The following TMEM68 variants were observed in gnomAD, a reference collection of about 807,000 sequenced individuals.
TMEM68 encodes transmembrane protein 68, also known as DGAT1/2-independent enzyme synthesizing storage lipids.
Under a neutral mutation model 36.9 loss-of-function variants are expected in TMEM68, and 25 were observed. That is an observed-to-expected ratio of 0.68 (90% CI 0.49 to 0.95). The LOEUF (loss-of-function observed/expected upper bound fraction) is 0.95. Ranked by LOEUF, TMEM68 falls within the 40% of genes least tolerant of loss-of-function variation. The pLI is 0.00. For missense variants in TMEM68, 333 were observed against 392.0 expected (o/e 0.85, Z 1.27); for synonymous variants, 131 against 124.4 (o/e 1.05, Z -0.35).
At chr8:55,761,715 T>C (rs966249968) in intron 3 of TMEM68, 11 of 152,214 alleles carry the variant, frequency 7.2e-5, no homozygotes, top group African/African-American at 2.7e-4. Flanking sequence ...AGTATGTATG[T>C]AGTATTAAAA....
At chr8:55,754,954 C>T (rs1013686338) in intron 4 of TMEM68, among the ~76,000 whole-genome samples, 3,728 of 14,134 alleles carry the variant, frequency 0.26, 107 homozygotes, top group East Asian at 0.44. Flanking sequence ...TACACACACA[C>T]ACACACACAC....
chr8:55,745,654 T>C (rs7000249), intron 5 of TMEM68: 105,708 of 152,036 alleles, frequency 0.7, 36,848 homozygotes, highest in African/African-American at 0.74. Flanking sequence ...TACTGAATAG[T>C]ACGCTCACTG....
Position 55,756,278 on chromosome 8 carries a change from T to A in TMEM68, c.459A>T (p.Arg153=). The change falls in exon 4 of 8, where the codon CGA becomes CGT. Residue 153 remains arginine, a synonymous_variant. Coordinates refer to ENST00000434581, the MANE Select transcript of TMEM68 (RefSeq NM_001286657.2). ...TAAAGACAAAGTGATCAGCTACTAC[T>A]CGGCAAGTTCTGCCTTTGTGTATAA... ...KIFIHKGRTC[R]VVADHFVFKI... The A allele has an allele frequency of 1.9e-6, 3 of 1,604,542 alleles. No homozygotes were observed. Among genetic ancestry groups the A allele is most frequent in the Non-Finnish European group, 1.7e-6 (2 of 1,177,714 alleles).
At chr8:55,753,367 G>A (rs1413040295) in intron 4 of TMEM68, among the ~76,000 whole-genome samples, 2 of 151,984 alleles carry the variant, frequency 1.3e-5, no homozygotes, top group African/African-American at 4.8e-5. Context: ...GTTTGCCTAT[G>A]TTACTGTAAG....
chr8:55,752,045 C>T (rs566822635), intron 4 of TMEM68, among the ~76,000 whole-genome samples: 4 of 152,064 alleles, frequency 2.6e-5, no homozygotes, highest in East Asian at 1.9e-4. Context: ...CCTGCCTCTA[C>T]TAAAAATACA....
At chr8:55,749,438 G>C (rs747286531) in intron 5 of TMEM68, among the ~76,000 whole-genome samples, 1 of 152,132 alleles carries the variant, frequency 6.6e-6, no homozygotes, top group Non-Finnish European at 1.5e-5. Flanking sequence ...ATTTTCCAGA[G>C]GGGATACTTG....
At chr8:55,749,230 A>G (rs1458564415) in intron 5 of TMEM68, among the ~76,000 whole-genome samples, 3 of 152,180 alleles carry the variant, frequency 2.0e-5, no homozygotes, top group Non-Finnish European at 4.4e-5. Flanking sequence ...AACCAGGGTG[A>G]TTTGTATTAT....
intron 1 of TMEM68, among the ~76,000 whole-genome samples, chr8:55,771,448 A>T (rs1811159039): frequency 6.6e-6 from 1 of 150,508 alleles, no homozygotes; most frequent in African/African-American, 2.4e-5. Flanking sequence ...CAAAACACAC[A>T]CACACACACA....
chr8:55,751,427 A>T, intron 4 of TMEM68: 5 of 433,526 alleles, frequency 1.2e-5, no homozygotes, highest in Non-Finnish European at 2.1e-5. Flanking sequence ...TTACAGAATA[A>T]TAGCTTGCTC....
At chr8:55,748,940 C>CT (rs1195193813) in intron 5 of TMEM68, among the ~76,000 whole-genome samples, 2 of 152,318 alleles carry the variant, frequency 1.3e-5, no homozygotes, top group East Asian at 3.9e-4. Flanking sequence ...CATCTTAACT[C>CT]TGTCACTAAA....
In TMEM68 at chr8:55,740,049, C is replaced by T; in HGVS notation, c.*83G>A. 9.8e-7 allele frequency: 1 copy of T among 1,023,878 alleles called. No homozygotes were observed. The highest frequency in any genetic ancestry group is 1.4e-6 in the Non-Finnish European group (1 of 695,624). The allele number at this position is 1,023,878 out of a possible 1,614,324, so 63.4% of individuals were successfully genotyped here. A position where few individuals can be genotyped will look rare whatever the true frequency, so the allele number is the denominator to read the frequency against. On this transcript the variant is annotated 3_prime_UTR_variant, in exon 8 of 8. Coordinates refer to ENST00000434581, the MANE Select transcript of TMEM68 (RefSeq NM_001286657.2). ...TTTTTAAAAAATACTAATTATAGGA[C>T]CTACAAAATTCAGAAGACAGTACCT...
At chr8:55,769,623 C>T (rs1161576189) in intron 1 of TMEM68, among the ~76,000 whole-genome samples, 1 of 151,968 alleles carries the variant, frequency 6.6e-6, no homozygotes, top group African/African-American at 2.4e-5. Context: ...TACAACTGAA[C>T]TGTGTTCGTC....
intron 7 of TMEM68, among the ~76,000 whole-genome samples, chr8:55,741,003 G>A (rs1392555281): frequency 1.3e-5 from 2 of 152,212 alleles, no homozygotes; most frequent in Admixed American, 6.5e-5. Context: ...GGAGGCTGAG[G>A]TGGGTGGATC....
At position 55,743,571 on chromosome 8, in the gene TMEM68, C is replaced by T. The variant is rs750338274; in HGVS notation, c.798G>A (p.Met266Ile). The change falls in exon 7 of 8, where the codon ATG (methionine) becomes ATA (isoleucine). Residue 266 changes from methionine (M) to isoleucine (I), a missense_variant. Transcript: ENST00000434581. Reference sequence around the variant, plus strand: ...GTAACTTCACTGGAAAACCTCCATACATTGGAGCAAATGGATAGCGGAATT... The same window carrying T: ...GTAACTTCACTGGAAAACCTCCATATATTGGAGCAAATGGATAGCGGAATT... ...YEKFRYPFAP[M>I]YGGFPVKLRT... 4 of 1,535,894 alleles carry T rather than the reference C, an allele frequency of 2.6e-6. No homozygotes were observed. The highest frequency in any genetic ancestry group is 2.0e-5 in the Admixed American group (1 of 50,988).
chr8:55,766,533 C>A (rs772515782), intron 1 of TMEM68, among the ~76,000 whole-genome samples: 2 of 152,024 alleles, frequency 1.3e-5, no homozygotes, highest in Non-Finnish European at 2.9e-5. Flanking sequence ...CCCGCCACCA[C>A]GCCCGGCTAA....
At chr8:55,773,238 G>GGGGGCAGGGGCA (rs1192890815) in intron 1 of TMEM68, 31 bp downstream of exon 1, 1 of 156,858 alleles carries the variant, frequency 6.4e-6, no homozygotes, top group East Asian at 1.8e-4. Flanking sequence ...TCGGATAGGC[G>GGGGGCAGGGGCA]GGGGCAGGGG....
intron 1 of TMEM68, among the ~76,000 whole-genome samples, chr8:55,772,645 G>C (rs548728658): frequency 2.0e-5 from 3 of 152,280 alleles, no homozygotes; most frequent in East Asian, 1.9e-4. Context: ...ACATCATTTC[G>C]TTTAGTCCTC....
intron 4 of TMEM68, among the ~76,000 whole-genome samples, chr8:55,754,707 T>TATATATATATTATATATAAAATAC (rs1810533497): frequency 3.2e-5 from 4 of 123,542 alleles, no homozygotes; most frequent in Admixed American, 9.4e-5. Flanking sequence ...AATACATACT[T>TATATATATATTATATATAAAATAC]ATATATATAT....
At chr8:55,742,858 C>T (rs1348175941) in intron 7 of TMEM68, among the ~76,000 whole-genome samples, 1 of 150,346 alleles carries the variant, frequency 6.7e-6, no homozygotes, top group Non-Finnish European at 1.5e-5. Flanking sequence ...ATGAGGCAGG[C>T]AGGCTTTTCT....
Sources: gnomAD v4.1 joint callset for allele counts (sites outside exome capture counted in the v4.1 genomes callset) on GRCh38, gnomAD v4.1.1 for gene constraint, MANE v1.5 for transcripts, NCBI Gene and HGNC (gene_info 2026-07-23, HGNC 2026-07-21) for gene names.